The following KLF12 variants were observed in gnomAD, a reference collection of about 807,000 sequenced individuals.
The protein encoded by KLF12 is Krueppel-like factor 12.
KLF12 carries 9 observed loss-of-function variants against 37.8 expected under a neutral mutation model. That is an observed-to-expected ratio of 0.24 (90% confidence interval 0.14 to 0.42). The LOEUF (loss-of-function observed/expected upper bound fraction) is 0.42, where lower values mean the gene tolerates loss of function less well. KLF12 is among the 10% of genes least tolerant of loss of function. The probability of loss-of-function intolerance (pLI) is 1.00; values close to 1 mark genes in which losing one functional copy is unlikely to be tolerated. For synonymous variants in KLF12, 208 were observed against 202.1 expected, an observed-to-expected ratio of 1.03 and a Z score of -0.25; for missense variants, 411 against 516.0, an observed-to-expected ratio of 0.80 and a Z score of 1.97.
chr13:73,924,420 T>C (rs1288791623), intron 3 of KLF12, among the ~76,000 whole-genome samples: 1 of 152,196 alleles, frequency 6.6e-6, no homozygotes, highest in Non-Finnish European at 1.5e-5. Flanking sequence ...CATTATTATA[T>C]TTGTTATGGC....
At chr13:73,784,600 C>G (rs1192959576) in intron 5 of KLF12, among the ~76,000 whole-genome samples, 1 of 151,688 alleles carries the variant, frequency 6.6e-6, no homozygotes, top group Non-Finnish European at 1.5e-5. Context: ...TCCTCCTCCA[C>G]TCCAGCATCT....
rs1196361486 is a variant in KLF12 at position 73,807,246 on chromosome 13, T to C, written c.806+5906A>G. ...ATCGCTTGAACCCAGGAGGTGGAGGTTGCAGTGAGCCGAGATCGTGCCATT... is the reference window on the plus strand; with the variant it reads ...ATCGCTTGAACCCAGGAGGTGGAGGCTGCAGTGAGCCGAGATCGTGCCATT... On this transcript the variant is annotated intron_variant, in intron 5 of 7. Coordinates refer to ENST00000377669, the MANE Select transcript of KLF12 (RefSeq NM_007249.5). Among the ~76,000 whole-genome samples, 3 of 151,808 alleles carry C rather than the reference T, an allele frequency of 2.0e-5. No homozygotes were observed. In the East Asian group the frequency reaches 5.8e-4, roughly 29 times the overall value.
At chr13:74,173,344 C>T in the KLF12 span, among the ~76,000 whole-genome samples, 11 of 152,122 alleles carry the variant, frequency 7.2e-5, no homozygotes, top group Admixed American at 2.0e-4. Flanking sequence ...AACTTCTCTC[C>T]GAAGCTTCTT....
intron 2 of KLF12, among the ~76,000 whole-genome samples, chr13:73,954,829 G>A (rs1313309118): frequency 3.3e-5 from 5 of 152,048 alleles, no homozygotes; most frequent in Non-Finnish European, 5.9e-5. Context: ...TAAATTTTAC[G>A]TATAATCCAA....
At chr13:74,070,202 T>C (rs909292969) in intron 1 of KLF12, among the ~76,000 whole-genome samples, 4 of 152,142 alleles carry the variant, frequency 2.6e-5, no homozygotes, top group African/African-American at 7.2e-5. Context: ...AGCAGCAGCA[T>C]AGGAATGACA....
the KLF12 span, among the ~76,000 whole-genome samples, chr13:74,233,499 A>G: frequency 6.6e-6 from 1 of 152,156 alleles, no homozygotes; most frequent in African/African-American, 2.4e-5. Context: ...AAGCATATTC[A>G]CCCATGCAGA....
intron 3 of KLF12, among the ~76,000 whole-genome samples, chr13:73,935,783 A>G (rs1331499655): frequency 6.6e-6 from 1 of 152,096 alleles, no homozygotes; most frequent in Non-Finnish European, 1.5e-5. Flanking sequence ...ATGTGTCACC[A>G]TGCCTGGCTA....
intron 2 of KLF12, among the ~76,000 whole-genome samples, chr13:73,950,175 C>G (rs754136809): frequency 2.0e-5 from 3 of 152,130 alleles, no homozygotes; most frequent in Non-Finnish European, 2.9e-5. Context: ...CAACAATGTG[C>G]AGTTTATACT....
At chr13:74,086,781 A>AT (rs1365026202) in intron 1 of KLF12, among the ~76,000 whole-genome samples, 7 of 152,222 alleles carry the variant, frequency 4.6e-5, no homozygotes, top group African/African-American at 1.7e-4. Context: ...AGCCTCACAG[A>AT]TAACACAAAC....
At chr13:74,123,047 C>T (rs1392851176) in intron 1 of KLF12, among the ~76,000 whole-genome samples, 1 of 151,092 alleles carries the variant, frequency 6.6e-6, no homozygotes, top group Non-Finnish European at 1.5e-5. Context: ...GTAAACAATG[C>T]CCATTAAAGC....
At chr13:73,920,079 C>T (rs1397687267) in intron 3 of KLF12, among the ~76,000 whole-genome samples, 1 of 152,120 alleles carries the variant, frequency 6.6e-6, no homozygotes, top group Non-Finnish European at 1.5e-5. Flanking sequence ...CAGAAAGATG[C>T]AAACTAGCTT....
chr13:73,729,327 A>C (rs1002167265), intron 6 of KLF12, among the ~76,000 whole-genome samples: 2 of 152,232 alleles, frequency 1.3e-5, no homozygotes, highest in African/African-American at 4.8e-5. Context: ...TTTCTGTTCA[A>C]ATCTCAAAGT....
the KLF12 span, among the ~76,000 whole-genome samples, chr13:74,269,549 G>A: frequency 6.6e-6 from 1 of 152,158 alleles, no homozygotes; most frequent in African/African-American, 2.4e-5. Context: ...TGTTGCAAGA[G>A]TAAAAAAAAT....
At chr13:74,174,339 T>TC in the KLF12 span, among the ~76,000 whole-genome samples, 1 of 150,396 alleles carries the variant, frequency 6.6e-6, no homozygotes, top group African/African-American at 2.4e-5. Flanking sequence ...TCTTTTCTTT[T>TC]TTTTTTTTTT....
the KLF12 span, among the ~76,000 whole-genome samples, chr13:74,301,143 T>A: frequency 2.5e-4 from 38 of 152,200 alleles, no homozygotes; most frequent in African/African-American, 8.0e-4. Context: ...TATTTTATTT[T>A]ATTTTTGTAG....
chr13:73,953,364 C>CA (rs929766187), intron 2 of KLF12, among the ~76,000 whole-genome samples: 1 of 151,384 alleles, frequency 6.6e-6, no homozygotes, highest in African/African-American at 2.4e-5. Context: ...GCCACATTTT[C>CA]AAAAAAAATT....
chr13:73,946,915 A>G (rs542225114), intron 2 of KLF12, among the ~76,000 whole-genome samples: 14 of 152,354 alleles, frequency 9.2e-5, no homozygotes, highest in Admixed American at 6.5e-4. Flanking sequence ...TGGTAATTAC[A>G]CAGCATTGAC....
At chr13:73,698,381 G>T (rs9530231) in intron 7 of KLF12, among the ~76,000 whole-genome samples, 114,271 of 151,908 alleles carry the variant, frequency 0.75, 43,617 homozygotes, top group Non-Finnish European at 0.81. Flanking sequence ...AGGTAGAGAT[G>T]ATTTATACCT....
intron 1 of KLF12, among the ~76,000 whole-genome samples, chr13:74,047,342 A>G (rs1331379981): frequency 6.6e-6 from 1 of 152,052 alleles, no homozygotes; most frequent in African/African-American, 2.4e-5. Flanking sequence ...CTATAATCCC[A>G]GCATTTTGGG....
Sources: allele counts gnomAD v4.1 joint callset (sites outside exome capture counted in the v4.1 genomes callset), GRCh38; gene constraint gnomAD v4.1.1; transcripts MANE v1.5; gene names NCBI Gene and HGNC (gene_info 2026-07-23, HGNC 2026-07-21).